The following GOLIM4 variants were observed in gnomAD, a reference collection of about 807,000 sequenced individuals.
GOLIM4 encodes golgi integral membrane protein 4.
In GOLIM4, 71 loss-of-function variants were observed where a neutral mutation model predicts 107.4. The observed-to-expected ratio is 0.66, with a 90% CI of 0.55 to 0.81. GOLIM4 has a LOEUF of 0.81. GOLIM4 is among the 30% of genes least tolerant of loss of function. The probability of loss-of-function intolerance (pLI) is 0.00; values close to 1 mark genes in which losing one functional copy is unlikely to be tolerated. For synonymous variants in GOLIM4, 327 were observed against 294.8 expected, an observed-to-expected ratio of 1.11 and a Z score of -1.12; for missense variants, 830 against 826.1, an observed-to-expected ratio of 1.00 and a Z score of -0.06.
intron 14 of GOLIM4, among the ~76,000 whole-genome samples, chr3:168,013,228 G>A (rs1157232808): frequency 1.3e-5 from 2 of 151,294 alleles, no homozygotes; most frequent in South Asian, 2.1e-4. Context: ...AAAAAAGGCA[G>A]GGGTTGCAAT....
Position 168,010,293 on chromosome 3 carries a change from T to C in GOLIM4, c.2067A>G (p.Lys689=), listed in dbSNP as rs773236367. 2 of 1,613,114 alleles carry C rather than the reference T, an allele frequency of 1.2e-6. No individual in the cohort carries two copies. Among genetic ancestry groups the C allele is most frequent in the Non-Finnish European group, 1.7e-6 (2 of 1,179,576 alleles). ...EEEDGAAVAE[K]SHRRAEM The stretch of plus-strand genomic sequence containing the variant: ...GCTACATTTCAGCTCTTCGATGTGA[T>C]TTCTCAGCAACTGCAGCCCCGTCTT... Residue 689 remains lysine (K), a synonymous_variant, in exon 16 of 16, where the codon AAA becomes AAG. Transcript: ENST00000470487.
intron 1 of GOLIM4, among the ~76,000 whole-genome samples, chr3:168,075,861 A>C (rs1721061609): frequency 6.6e-6 from 1 of 152,192 alleles, no homozygotes; most frequent in African/African-American, 2.4e-5. Flanking sequence ...ATTTTAAAAG[A>C]TGAAATATAA....
At position 168,041,382 on chromosome 3, in the gene GOLIM4, T is replaced by C; in HGVS notation, c.600+10A>G. ...AACACTAAATAGTGAAACGTTTGGTTTTCTTTTACCTTGACATCTTGAAGC... is the reference window on the plus strand; with the variant it reads ...AACACTAAATAGTGAAACGTTTGGTCTTCTTTTACCTTGACATCTTGAAGC... On this transcript the variant is annotated intron_variant, in intron 6 of 15. Transcript: ENST00000470487. 6.5e-7 allele frequency: 1 copy of C among 1,530,232 alleles called. No homozygotes were observed. The highest frequency in any genetic ancestry group is 9.0e-7 in the Non-Finnish European group (1 of 1,105,342). The allele number at this position is 1,530,232 out of a possible 1,614,324, so 94.8% of individuals were successfully genotyped here.
At chr3:168,039,194 C>T (rs1718831728) in intron 7 of GOLIM4, among the ~76,000 whole-genome samples, 1 of 151,586 alleles carries the variant, frequency 6.6e-6, no homozygotes. Flanking sequence ...CAGGACAAAC[C>T]TTGAGCATCC....
chr3:168,079,924 T>TA (rs1052527109), intron 1 of GOLIM4, among the ~76,000 whole-genome samples: 59 of 151,572 alleles, frequency 3.9e-4, no homozygotes, highest in Admixed American at 1.6e-3. Context: ...TCACTTAAAG[T>TA]AAAAAAAAAT....
At chr3:168,058,704 A>G (rs913655823) in intron 1 of GOLIM4, among the ~76,000 whole-genome samples, 9 of 152,174 alleles carry the variant, frequency 5.9e-5, no homozygotes, top group African/African-American at 2.2e-4. Flanking sequence ...TCTTAAACAG[A>G]ATCTCTTTGA....
chr3:168,040,584 C>G (rs948612583), intron 7 of GOLIM4, among the ~76,000 whole-genome samples: 3 of 152,078 alleles, frequency 2.0e-5, no homozygotes, highest in African/African-American at 7.2e-5. Context: ...ATTTATGTAC[C>G]GCACAACCAG....
At chr3:168,071,860 A>G (rs1423548126) in intron 1 of GOLIM4, among the ~76,000 whole-genome samples, 1 of 152,110 alleles carries the variant, frequency 6.6e-6, no homozygotes, top group Non-Finnish European at 1.5e-5. Context: ...ACATCCCCCT[A>G]TGAAACTCCC....
chr3:168,037,546 T>C (rs963581602), intron 7 of GOLIM4, among the ~76,000 whole-genome samples: 3 of 152,118 alleles, frequency 2.0e-5, no homozygotes, highest in African/African-American at 7.2e-5. Flanking sequence ...GAATCCCTAA[T>C]TGGCTAGAAT....
chr3:168,050,912 G>A (rs1421557408), intron 1 of GOLIM4, among the ~76,000 whole-genome samples: 1 of 151,102 alleles, frequency 6.6e-6, no homozygotes, highest in Non-Finnish European at 1.5e-5. Flanking sequence ...AAGGCAGACT[G>A]TTCATCACCC....
At position 168,076,663 on chromosome 3, in the gene GOLIM4, C is replaced by A. The variant is rs141108083; in HGVS notation, c.187+18436G>T. On this transcript the variant is annotated intron_variant, in intron 1 of 15. Coordinates refer to ENST00000470487, the MANE Select transcript of GOLIM4 (RefSeq NM_014498.5). ...CCAAGATTGCACCACTACACTCCAG[C>A]CTGGGCAACAGAGTGAGACTCCATC... 9.9e-5 allele frequency among the ~76,000 whole-genome samples: 15 copies of A among 152,264 alleles called. No homozygotes were observed. In the East Asian group the frequency reaches 2.7e-3, roughly 27 times the overall value.
At chr3:168,079,228 A>G (rs1273268161) in intron 1 of GOLIM4, among the ~76,000 whole-genome samples, 3 of 152,200 alleles carry the variant, frequency 2.0e-5, no homozygotes, top group African/African-American at 7.2e-5. Flanking sequence ...GGCTTACACA[A>G]TGGTAATAAC....
intron 1 of GOLIM4, among the ~76,000 whole-genome samples, chr3:168,054,015 C>T (rs1029912787): frequency 6.6e-6 from 1 of 152,154 alleles, no homozygotes; most frequent in Non-Finnish European, 1.5e-5. Context: ...ACTTTGGTTC[C>T]TCCTCTCGTT....
At chr3:168,085,017 A>G (rs903802852) in intron 1 of GOLIM4, among the ~76,000 whole-genome samples, 1 of 152,156 alleles carries the variant, frequency 6.6e-6, no homozygotes, top group Non-Finnish European at 1.5e-5. Flanking sequence ...TTACCAGCAA[A>G]GTGCTGAAGA....
Position 168,029,826 on chromosome 3 carries a change from G to A in GOLIM4, c.1387C>T (p.Gln463Ter). ...GGCCGGCCCTCCTCAAGCTCAGCCT[G>A]CCTCTGCAGGGCCATCTCTCTTGCC... is the stretch of plus-strand genomic sequence containing the variant. ...QVAREMALQR[Q>*]AELEEGRPQH... Residue 463 changes from glutamine to a stop codon, truncating the protein, a stop_gained, in exon 10 of 16, where the codon CAG (glutamine) becomes TAG (stop). Coordinates refer to ENST00000470487, the MANE Select transcript of GOLIM4 (RefSeq NM_014498.5). LOFTEE classifies it high-confidence loss of function. 1.2e-6 allele frequency: 2 copies of A among 1,614,112 alleles called. No homozygotes were observed. The highest frequency in any genetic ancestry group is 1.7e-6 in the Non-Finnish European group (2 of 1,180,024).
At chr3:168,037,451 TACAC>T (rs10628217) in intron 7 of GOLIM4, among the ~76,000 whole-genome samples, 4 of 149,620 alleles carry the variant, frequency 2.7e-5, no homozygotes, top group South Asian at 2.1e-4. Context: ...TAAATACACA[TACAC>T]ACACACACAC....
At chr3:168,022,006 C>T (rs1717719855) in intron 14 of GOLIM4, among the ~76,000 whole-genome samples, 1 of 152,178 alleles carries the variant, frequency 6.6e-6, no homozygotes. Context: ...ATCATGCCTT[C>T]CATTCAAACA....
At chr3:168,092,410 T>C (rs1231605081) in intron 1 of GOLIM4, among the ~76,000 whole-genome samples, 4 of 152,194 alleles carry the variant, frequency 2.6e-5, no homozygotes, top group Admixed American at 2.0e-4. Context: ...GGGGCTCTTC[T>C]ACAATAAAAC....
At chr3:168,055,293 G>C (rs1355154602) in intron 1 of GOLIM4, among the ~76,000 whole-genome samples, 1 of 152,180 alleles carries the variant, frequency 6.6e-6, no homozygotes, top group African/African-American at 2.4e-5. Flanking sequence ...GCAAAATGCT[G>C]ATAATGATAT....
Sources: gnomAD v4.1 joint callset for allele counts (sites outside exome capture counted in the v4.1 genomes callset) on GRCh38, gnomAD v4.1.1 for gene constraint, MANE v1.5 for transcripts, NCBI Gene and HGNC (gene_info 2026-07-23, HGNC 2026-07-21) for gene names.